The following CADM2 variants were observed in gnomAD, a reference collection of about 807,000 sequenced individuals.
CADM2 encodes cell adhesion molecule 2.
CADM2 carries 12 observed loss-of-function variants against 49.8 expected under a neutral mutation model. That is an observed-to-expected ratio of 0.24 (90% confidence interval 0.15 to 0.39). The LOEUF (loss-of-function observed/expected upper bound fraction) is 0.39. Ranked by LOEUF, CADM2 falls within the 10% of genes least tolerant of loss-of-function variation. CADM2 has a pLI of 1.00. For synonymous variants in CADM2, 214 were observed against 175.4 expected (o/e 1.22, Z -1.74); for missense variants, 378 against 492.3 (o/e 0.77, Z 2.20).
chr3:85,164,100 A>G (rs558454809), intron 1 of CADM2, among the ~76,000 whole-genome samples: 12 of 152,074 alleles, frequency 7.9e-5, no homozygotes, highest in African/African-American at 2.9e-4. Flanking sequence ...ATCTTTGAAC[A>G]AATTGCTGCT....
At chr3:85,425,285 T>C (rs75499511) in intron 1 of CADM2, among the ~76,000 whole-genome samples, 2,967 of 152,336 alleles carry the variant, frequency 0.019, 37 homozygotes, top group Non-Finnish European at 0.026. Flanking sequence ...GGAACGGTAA[T>C]GGTTAGTCAA....
intron 1 of CADM2, among the ~76,000 whole-genome samples, chr3:85,623,579 A>G (rs1252727474): frequency 6.6e-6 from 1 of 152,180 alleles, no homozygotes; most frequent in Non-Finnish European, 1.5e-5. Context: ...CTGAGATAGG[A>G]CAGCAGAGAA....
Position 85,733,117 on chromosome 3 carries a change from A to T in CADM2, c.88+6569A>T, listed in dbSNP as rs149788907. ...AATCTGGCATTTCTCATTCTTTTAA[A>T]ACTCTCCTTCTTCTAGGTCTGTCAT... On this transcript the variant is annotated intron_variant, in intron 2 of 9. Coordinates refer to ENST00000383699, the MANE Select transcript of CADM2 (RefSeq NM_001167675.2). 2.5e-3 allele frequency among the ~76,000 whole-genome samples: 376 copies of T among 152,250 alleles called. 1 individual carries two copies. Among genetic ancestry groups the T allele is most frequent in the African/African-American group, 8.5e-3 (353 of 41,548 alleles).
At chr3:85,298,904 C>A (rs1417997491) in intron 1 of CADM2, among the ~76,000 whole-genome samples, 1 of 151,952 alleles carries the variant, frequency 6.6e-6, no homozygotes, top group African/African-American at 2.4e-5. Context: ...AAATCTAGAA[C>A]CAGAATAGTG....
chr3:85,099,529 G>A (rs2037932471), intron 1 of CADM2, among the ~76,000 whole-genome samples: 1 of 151,196 alleles, frequency 6.6e-6, no homozygotes, highest in Non-Finnish European at 1.5e-5. Context: ...GAGTGCAATG[G>A]CAAAATCTCT....
chr3:86,004,634 T>C (rs1362990098), intron 8 of CADM2, among the ~76,000 whole-genome samples: 1 of 152,234 alleles, frequency 6.6e-6, no homozygotes, highest in Non-Finnish European at 1.5e-5. Context: ...TCTAGTCCAA[T>C]GCTTAGCAAA....
intron 8 of CADM2, among the ~76,000 whole-genome samples, chr3:85,972,565 C>G (rs949793249): frequency 2.6e-5 from 4 of 151,750 alleles, no homozygotes; most frequent in African/African-American, 9.7e-5. Flanking sequence ...GAGAAACAAG[C>G]AGCTTGGGCT....
intron 1 of CADM2, among the ~76,000 whole-genome samples, chr3:85,428,392 A>G (rs1220171659): frequency 6.9e-6 from 1 of 144,960 alleles, no homozygotes. Context: ...TTTATTTTAT[A>G]TAATACATAT....
At chr3:85,796,688 T>C (rs925844563) in intron 2 of CADM2, among the ~76,000 whole-genome samples, 1 of 152,202 alleles carries the variant, frequency 6.6e-6, no homozygotes, top group African/African-American at 2.4e-5. Context: ...CTGTCTCTTA[T>C]GGTGCCAATC....
chr3:85,156,246 A>G lies in CADM2; in HGVS notation c.61+196578A>G, dbSNP rs2040117308. 2.0e-5 allele frequency among the ~76,000 whole-genome samples: 3 copies of G among 152,210 alleles called. No individual in the cohort carries two copies. The South Asian group carries it at 6.2e-4, about 32-fold the overall frequency. Reference sequence around the variant, plus strand: ...CACTAGCAAGACTAATAAAGAAAAAAAGAGAGAAGAATCAAATAGACGCAA... The same window carrying G: ...CACTAGCAAGACTAATAAAGAAAAAGAGAGAGAAGAATCAAATAGACGCAA... On this transcript the variant is annotated intron_variant, in intron 1 of 9. Coordinates refer to ENST00000383699, the MANE Select transcript of CADM2 (RefSeq NM_001167675.2).
intron 8 of CADM2, among the ~76,000 whole-genome samples, chr3:86,059,025 C>G (rs1408137855): frequency 6.8e-6 from 1 of 147,134 alleles, no homozygotes; most frequent in Non-Finnish European, 1.5e-5. Context: ...ACCCAGGAGG[C>G]GGAGGTTGCA....
intron 1 of CADM2, among the ~76,000 whole-genome samples, chr3:85,359,667 T>TATATATATATATATATATATATATATATA (rs1491224693): frequency 6.1e-5 from 1 of 16,506 alleles, no homozygotes; most frequent in African/African-American, 1.9e-4. Context: ...TATATATATA[T>TATATATATATATATATATATATATATATA]TTTTTTTTTT....
intron 3 of CADM2, among the ~76,000 whole-genome samples, chr3:85,820,135 G>C (rs11127908): frequency 0.35 from 53,595 of 151,722 alleles, 9,964 homozygotes; most frequent in East Asian, 0.57. Flanking sequence ...CTCAGCCAGC[G>C]TGAGCAGACC....
chr3:85,095,111 C>G (rs1271160643), intron 1 of CADM2, among the ~76,000 whole-genome samples: 2 of 152,148 alleles, frequency 1.3e-5, no homozygotes, highest in Non-Finnish European at 1.5e-5. Flanking sequence ...AATACCTTTA[C>G]AAATTACAAG....
chr3:85,360,340 A>G (rs1366121344), intron 1 of CADM2, among the ~76,000 whole-genome samples: 1 of 152,174 alleles, frequency 6.6e-6, no homozygotes, highest in African/African-American at 2.4e-5. Flanking sequence ...TATCCTATCA[A>G]AAAATAGCAT....
chr3:85,589,959 A>G (rs539695912), intron 1 of CADM2, among the ~76,000 whole-genome samples: 1 of 152,168 alleles, frequency 6.6e-6, no homozygotes, highest in Non-Finnish European at 1.5e-5. Flanking sequence ...TGGTATTTCT[A>G]TGACTAGGTA....
chr3:85,015,388 T>A (rs1333173965), intron 1 of CADM2, among the ~76,000 whole-genome samples: 1 of 152,196 alleles, frequency 6.6e-6, no homozygotes, highest in Non-Finnish European at 1.5e-5. Flanking sequence ...TTCATCAGAA[T>A]GAATTTTCTT....
intron 1 of CADM2, among the ~76,000 whole-genome samples, chr3:84,965,620 A>G (rs2030917391): frequency 6.6e-6 from 1 of 152,204 alleles, no homozygotes; most frequent in African/African-American, 2.4e-5. Context: ...CAGTTTAATG[A>G]AGATGAATAG....
intron 8 of CADM2, chr3:86,014,149 T>G: frequency 2.3e-6 from 3 of 1,285,786 alleles, no homozygotes; most frequent in Non-Finnish European, 2.1e-6. Flanking sequence ...GAAATTTTGG[T>G]GGAACTCCTG....
Sources: allele counts gnomAD v4.1 joint callset (sites outside exome capture counted in the v4.1 genomes callset), GRCh38; gene constraint gnomAD v4.1.1; transcripts MANE v1.5; gene names NCBI Gene and HGNC (gene_info 2026-07-23, HGNC 2026-07-21).